DSCAM: variants seen among roughly 807,000 people sequenced by gnomAD.
The protein encoded by DSCAM is DS cell adhesion molecule, also known as cell adhesion molecule DSCAM.
A neutral mutation model predicts 217.7 loss-of-function variants in DSCAM; 47 were observed. The ratio of observed to expected loss-of-function variants is 0.22; its 90% CI spans 0.17 to 0.28. DSCAM has a LOEUF of 0.28. Ranked by LOEUF, DSCAM falls within the 10% of genes least tolerant of loss-of-function variation. The pLI is 1.00. For synonymous variants in DSCAM, 1,056 were observed against 1,015.3 expected (o/e 1.04, Z -0.76); for missense variants, 2,080 against 2,618.3 (o/e 0.79, Z 4.49).
intron 3 of DSCAM, among the ~76,000 whole-genome samples, chr21:40,487,795 C>T (rs187055096): frequency 2.0e-5 from 3 of 152,176 alleles, no homozygotes; most frequent in African/African-American, 7.2e-5. Flanking sequence ...AGGGAGACAT[C>T]CAGGTTTTTG....
chr21:40,619,368 A>C (rs1417656357), intron 3 of DSCAM, among the ~76,000 whole-genome samples: 1 of 152,226 alleles, frequency 6.6e-6, no homozygotes, highest in Non-Finnish European at 1.5e-5. Context: ...TTTTGAATTT[A>C]ATTACTAAGG....
intron 1 of DSCAM, among the ~76,000 whole-genome samples, chr21:40,780,411 G>GTATATATATATATATATATATA (rs749398798): frequency 7.9e-5 from 7 of 88,506 alleles, no homozygotes; most frequent in East Asian, 3.6e-4. Flanking sequence ...GTGTGTGTGT[G>GTATATATATATATATATATATA]TGTGTGTGTG....
intron 3 of DSCAM, among the ~76,000 whole-genome samples, chr21:40,381,828 A>C (rs909024366): frequency 6.6e-6 from 1 of 152,318 alleles, no homozygotes; most frequent in South Asian, 2.1e-4. Flanking sequence ...TTTACTTTTT[A>C]AAAAAATGAA....
chr21:40,598,508 T>G (rs1055320834), intron 3 of DSCAM, among the ~76,000 whole-genome samples: 1 of 137,312 alleles, frequency 7.3e-6, no homozygotes, highest in Non-Finnish European at 1.6e-5. Context: ...TTTTTTTTTT[T>G]TTTTTTTTTT....
intron 15 of DSCAM, among the ~76,000 whole-genome samples, chr21:40,177,036 G>A (rs950029120): frequency 6.6e-5 from 10 of 152,192 alleles, no homozygotes; most frequent in Admixed American, 1.3e-4. Flanking sequence ...GGGATGGGGC[G>A]AGATTAGAAA....
At chr21:40,406,296 G>A (rs1292004077) in intron 3 of DSCAM, among the ~76,000 whole-genome samples, 1 of 152,178 alleles carries the variant, frequency 6.6e-6, no homozygotes, top group Non-Finnish European at 1.5e-5. Context: ...AGTCCCACTA[G>A]TTGGTATTTA....
intron 8 of DSCAM, among the ~76,000 whole-genome samples, chr21:40,322,496 C>T (rs1334992519): frequency 3.3e-5 from 5 of 151,110 alleles, no homozygotes; most frequent in African/African-American, 1.2e-4. Context: ...ATATTGGACT[C>T]ATGTCATTAT....
intron 9 of DSCAM, among the ~76,000 whole-genome samples, chr21:40,305,099 G>C (rs1403343132): frequency 6.6e-6 from 1 of 152,078 alleles, no homozygotes; most frequent in Admixed American, 6.5e-5. Context: ...GCACAATAAA[G>C]CAAAGTGTGG....
At chr21:40,164,917 C>A (rs1409441728) in intron 16 of DSCAM, among the ~76,000 whole-genome samples, 1 of 152,190 alleles carries the variant, frequency 6.6e-6, no homozygotes, top group Non-Finnish European at 1.5e-5. Flanking sequence ...AATGTAATAT[C>A]TATCTCCAGT....
chr21:40,187,803 G>A, intron 13 of DSCAM, 88 bp downstream of exon 13: 1 of 1,171,450 alleles, frequency 8.5e-7, no homozygotes, highest in South Asian at 1.2e-5. Context: ...TACATGGCAA[G>A]TTGAGGACAC....
chr21:40,821,013 G>T lies in DSCAM; in HGVS notation c.43+25606C>A, dbSNP rs1391240967. ...TATATATGTATGAACTGTAGTTGGG[G>T]AGGGCTTCGCAGATATATATATATC... On this transcript the variant is annotated intron_variant, in intron 1 of 32. Coordinates refer to ENST00000400454, the MANE Select transcript of DSCAM (RefSeq NM_001389.5). Among the ~76,000 whole-genome samples, 4 of 150,674 alleles carry T rather than the reference G, an allele frequency of 2.7e-5. No individual in the cohort carries two copies. In the South Asian group the frequency reaches 8.3e-4, roughly 31 times the overall value.
In DSCAM at chr21:40,368,369, G is replaced by A. The variant is rs8134808; in HGVS notation, c.655+730C>T. 9.4e-3 allele frequency among the ~76,000 whole-genome samples: 1,425 copies of A among 152,244 alleles called. 24 individuals carry two copies. The highest frequency in any genetic ancestry group is 0.032 in the African/African-American group (1,327 of 41,536). ...ACATGATAACTATAAAAGCAAGGGA[G>A]AAAATAGCAATTGACTTGTAAAAGA... On this transcript the variant is annotated intron_variant, in intron 4 of 32. Transcript: ENST00000400454.
chr21:40,402,233 AT>A (rs959836951), intron 3 of DSCAM, among the ~76,000 whole-genome samples: 12 of 148,766 alleles, frequency 8.1e-5, no homozygotes, highest in Non-Finnish European at 1.3e-4. Flanking sequence ...CGCCCGGCTA[AT>A]TTTTTTTTGT....
intron 8 of DSCAM, among the ~76,000 whole-genome samples, chr21:40,326,894 T>G (rs2074323495): frequency 6.7e-6 from 1 of 150,326 alleles, no homozygotes; most frequent in African/African-American, 2.4e-5. Flanking sequence ...CACATATATA[T>G]GTACTTATAT....
At chr21:40,833,874 T>G (rs1287044492) in intron 1 of DSCAM, among the ~76,000 whole-genome samples, 2 of 152,170 alleles carry the variant, frequency 1.3e-5, no homozygotes, top group Non-Finnish European at 2.9e-5. Context: ...GATCATTCTT[T>G]GTCGTGGGGA....
intron 3 of DSCAM, among the ~76,000 whole-genome samples, chr21:40,690,802 C>T (rs2090530221): frequency 6.6e-6 from 1 of 152,168 alleles, no homozygotes; most frequent in South Asian, 2.1e-4. Flanking sequence ...CAAAAGAACA[C>T]ACGTATTATG....
intron 20 of DSCAM, among the ~76,000 whole-genome samples, chr21:40,112,835 T>C (rs966696270): frequency 2.6e-5 from 4 of 151,986 alleles, no homozygotes; most frequent in African/African-American, 9.7e-5. Context: ...TAAAATTCCT[T>C]GACAAATACA....
At chr21:40,364,596 T>A (rs2074808243) in intron 4 of DSCAM, among the ~76,000 whole-genome samples, 1 of 151,092 alleles carries the variant, frequency 6.6e-6, no homozygotes, top group Middle Eastern at 3.5e-3. Flanking sequence ...AGTTAATGGG[T>A]GCAGCACACC....
intron 3 of DSCAM, among the ~76,000 whole-genome samples, chr21:40,392,696 C>T (rs369461604): frequency 1.9e-4 from 29 of 152,220 alleles, no homozygotes; most frequent in South Asian, 1.9e-3. Flanking sequence ...CTCCCAAACA[C>T]GAGCATTTCC....
Sources: gnomAD v4.1 joint callset for allele counts (sites outside exome capture counted in the v4.1 genomes callset) on GRCh38, gnomAD v4.1.1 for gene constraint, MANE v1.5 for transcripts, NCBI Gene and HGNC (gene_info 2026-07-23, HGNC 2026-07-21) for gene names.